The following CDYL2 variants were observed in gnomAD, a reference collection of about 807,000 sequenced individuals.
CDYL2 encodes the protein chromodomain Y like 2.
CDYL2 carries 23 observed loss-of-function variants against 49.4 expected under a neutral mutation model. That is an observed-to-expected ratio of 0.47 (90% CI 0.34 to 0.66). The LOEUF (loss-of-function observed/expected upper bound fraction) is 0.66. Ranked by LOEUF, CDYL2 falls within the 30% of genes least tolerant of loss-of-function variation. The pLI is 0.01. For missense variants in CDYL2, 678 were observed against 656.4 expected (o/e 1.03, Z -0.36); for synonymous variants, 360 against 268.8 (o/e 1.34, Z -3.32).
intron 1 of CDYL2, among the ~76,000 whole-genome samples, chr16:80,786,975 G>A (rs1567606628): frequency 6.6e-6 from 1 of 151,934 alleles, no homozygotes; most frequent in Admixed American, 6.6e-5. Context: ...TGTAGGTGAC[G>A]GGTTGATGGG....
chr16:80,649,303 C>G (rs753627850), intron 2 of CDYL2, among the ~76,000 whole-genome samples: 1 of 152,022 alleles, frequency 6.6e-6, no homozygotes, highest in African/African-American at 2.4e-5. Context: ...AGATACAAGA[C>G]CAACACACAA....
At chr16:80,710,641 A>G (rs994306755) in intron 1 of CDYL2, among the ~76,000 whole-genome samples, 2 of 152,218 alleles carry the variant, frequency 1.3e-5, no homozygotes, top group African/African-American at 2.4e-5. Context: ...GAAAACAAGG[A>G]CACAGAGGAC....
intron 2 of CDYL2, among the ~76,000 whole-genome samples, chr16:80,665,399 C>G (rs139561927): frequency 6.6e-6 from 1 of 151,602 alleles, no homozygotes; most frequent in Non-Finnish European, 1.5e-5. Context: ...GCACTCAATG[C>G]CATGCCTGGC....
chr16:80,724,596 A>G (rs1905106309), intron 1 of CDYL2, among the ~76,000 whole-genome samples: 1 of 152,188 alleles, frequency 6.6e-6, no homozygotes, highest in African/African-American at 2.4e-5. Flanking sequence ...GGCATGAACT[A>G]TATCAGTGTG....
intron 2 of CDYL2, among the ~76,000 whole-genome samples, chr16:80,647,591 C>G (rs763724285): frequency 6.6e-6 from 1 of 152,128 alleles, no homozygotes; most frequent in Admixed American, 6.5e-5. Context: ...AAAATAAGAG[C>G]TGTAGACTTG....
At chr16:80,607,350 C>G (rs1176445883) in intron 6 of CDYL2, among the ~76,000 whole-genome samples, 1 of 152,112 alleles carries the variant, frequency 6.6e-6, no homozygotes, top group East Asian at 1.9e-4. Context: ...TGAACACAGG[C>G]ACAGGGAGAC....
intron 4 of CDYL2, among the ~76,000 whole-genome samples, chr16:80,619,272 T>C (rs1906969175): frequency 6.6e-6 from 1 of 152,194 alleles, no homozygotes; most frequent in Admixed American, 6.5e-5. Flanking sequence ...AGAGCCTTTT[T>C]CCAAATACGG....
chr16:80,803,333 T>C (rs757533536), intron 1 of CDYL2, among the ~76,000 whole-genome samples: 31 of 152,174 alleles, frequency 2.0e-4, no homozygotes, highest in Non-Finnish European at 4.0e-4. Flanking sequence ...AGGTATCCAC[T>C]GAGGGTGACG....
chr16:80,613,250 A>C (rs1295048455), intron 4 of CDYL2, among the ~76,000 whole-genome samples: 2 of 152,160 alleles, frequency 1.3e-5, no homozygotes, highest in Non-Finnish European at 2.9e-5. Context: ...GGCATATTTC[A>C]ACTCAAAGAG....
intron 1 of CDYL2, among the ~76,000 whole-genome samples, chr16:80,790,672 G>A (rs1907580141): frequency 6.6e-6 from 1 of 152,246 alleles, no homozygotes; most frequent in African/African-American, 2.4e-5. Flanking sequence ...TACTTGATCT[G>A]ACTTCCAACA....
In CDYL2 at chr16:80,764,092, T is replaced by C. The variant is rs111444317; in HGVS notation, c.24+40058A>G. The stretch of plus-strand genomic sequence containing the variant: ...AGTCTTTAAAGATGGTATGATTTAA[T>C]ATGTTAAAAGACAACAGAATTGTGG... On this transcript the variant is annotated intron_variant, in intron 1 of 6. Transcript: ENST00000570137. 7.7e-3 allele frequency among the ~76,000 whole-genome samples: 1,177 copies of C among 152,270 alleles called. 16 individuals carry two copies. The highest frequency in any genetic ancestry group is 0.027 in the African/African-American group (1,118 of 41,544).
chr16:80,630,760 C>G (rs781365781), intron 3 of CDYL2, among the ~76,000 whole-genome samples: 7 of 152,116 alleles, frequency 4.6e-5, no homozygotes, highest in African/African-American at 7.2e-5. Context: ...GTCAATCATT[C>G]CAGATGGCCG....
In CDYL2 at chr16:80,734,820, G is replaced by A. The variant is rs145482566; in HGVS notation, c.25-49691C>T. Among the ~76,000 whole-genome samples, 1,037 of 152,246 alleles carry A rather than the reference G, an allele frequency of 6.8e-3. 9 individuals carry two copies. The highest frequency in any genetic ancestry group is 0.014 in the Middle Eastern group (4 of 292). On this transcript the variant is annotated intron_variant, in intron 1 of 6. Coordinates refer to ENST00000570137, the MANE Select transcript of CDYL2 (RefSeq NM_152342.4). ...CTGGTTCCTAATTTTGTAACCTGCT[G>A]CTACGGTGTTTTCAATTTAAAGCTA...
chr16:80,609,282 C>T (rs938098306), intron 5 of CDYL2, among the ~76,000 whole-genome samples: 12 of 152,146 alleles, frequency 7.9e-5, no homozygotes, highest in Admixed American at 5.9e-4. Context: ...TGATAGGGTC[C>T]GCACGGCCGG....
At chr16:80,751,057 T>TA (rs1276827727) in intron 1 of CDYL2, among the ~76,000 whole-genome samples, 1 of 152,132 alleles carries the variant, frequency 6.6e-6, no homozygotes, top group African/African-American at 2.4e-5. Flanking sequence ...AAAGATAATG[T>TA]AAAAGCTGCT....
At chr16:80,785,215 C>A (rs1433247857) in intron 1 of CDYL2, among the ~76,000 whole-genome samples, 1 of 152,080 alleles carries the variant, frequency 6.6e-6, no homozygotes, top group Non-Finnish European at 1.5e-5. Context: ...TAGAAAAACC[C>A]CATCGTCTCA....
intron 1 of CDYL2, among the ~76,000 whole-genome samples, chr16:80,695,754 A>T (rs560370396): frequency 1.4e-3 from 220 of 152,216 alleles, no homozygotes; most frequent in Non-Finnish European, 2.4e-3. Flanking sequence ...AGATACATAA[A>T]GCAAATATTA....
chr16:80,674,505 C>T (rs1243567164), intron 2 of CDYL2, among the ~76,000 whole-genome samples: 2 of 152,046 alleles, frequency 1.3e-5, no homozygotes, highest in East Asian at 3.9e-4. Flanking sequence ...GTGCACAATT[C>T]AGTGATTTTT....
At chr16:80,664,595 G>A (rs571318915) in intron 2 of CDYL2, among the ~76,000 whole-genome samples, 10 of 152,318 alleles carry the variant, frequency 6.6e-5, no homozygotes, top group Admixed American at 5.9e-4. Context: ...TAAGTGAACT[G>A]TAGGGGAGAA....
Sources: gnomAD v4.1 joint callset for allele counts (sites outside exome capture counted in the v4.1 genomes callset) on GRCh38, gnomAD v4.1.1 for gene constraint, MANE v1.5 for transcripts, NCBI Gene and HGNC (gene_info 2026-07-23, HGNC 2026-07-21) for gene names.